Variants in RBFOX3 observed in about 807,000 individuals in gnomAD.
The protein encoded by RBFOX3 is RNA binding fox-1 homolog 3, also known as RNA binding protein fox-1 homolog 3.
In RBFOX3, 17 loss-of-function variants were observed where a neutral mutation model predicts 48.7. That is an observed-to-expected ratio of 0.35 (90% CI 0.24 to 0.52). The LOEUF is 0.52. Ranked by LOEUF, RBFOX3 falls within the 20% of genes least tolerant of loss-of-function variation. The pLI is 0.94. For missense variants in RBFOX3, 382 were observed against 497.5 expected, an observed-to-expected ratio of 0.77 and a Z score of 2.21; for synonymous variants, 212 against 209.5, an observed-to-expected ratio of 1.01 and a Z score of -0.10.
intron 1 of RBFOX3, among the ~76,000 whole-genome samples, chr17:79,541,702 C>T (rs900412200): frequency 2.6e-5 from 4 of 152,236 alleles, no homozygotes; most frequent in Non-Finnish European, 5.9e-5. Flanking sequence ...CAGGCCCACC[C>T]CGGCTCCTGG....
intron 2 of RBFOX3, among the ~76,000 whole-genome samples, chr17:79,355,630 G>T (rs1030161441): frequency 6.6e-6 from 1 of 152,048 alleles, no homozygotes; most frequent in Non-Finnish European, 1.5e-5. Flanking sequence ...GCCCAGGCTG[G>T]AGTACAGTGG....
chr17:79,582,833 G>C (rs2093121432), intron 1 of RBFOX3, among the ~76,000 whole-genome samples: 1 of 145,712 alleles, frequency 6.9e-6, no homozygotes, highest in Non-Finnish European at 1.5e-5. Flanking sequence ...GGAAGGACCT[G>C]AGTGGCTAGC....
intron 2 of RBFOX3, among the ~76,000 whole-genome samples, chr17:79,438,102 G>GCA (rs1383021963): frequency 5.5e-4 from 11 of 20,084 alleles, no homozygotes; most frequent in Admixed American, 1.6e-3. Context: ...AGGTGCACAG[G>GCA]CGCACACACA....
chr17:79,465,334 A>T (rs1464244091), intron 2 of RBFOX3, among the ~76,000 whole-genome samples: 1 of 152,098 alleles, frequency 6.6e-6, no homozygotes, highest in East Asian at 1.9e-4. Flanking sequence ...TCCCGAAAAC[A>T]TCTTTATTAT....
rs1385915086 is a variant in RBFOX3, at chr17:79,521,499, GATAT to G, written c.-319-38905_-319-38902del. ...TCAGACACATTCACACACACACGCAGATATATACTCACAGACACATACGGATACA... is the reference window on the plus strand; with the variant it reads ...TCAGACACATTCACACACACACGCAGATACTCACAGACACATACGGATACA... On this transcript the variant is annotated intron_variant, in intron 1 of 14. Transcript: ENST00000693108. Among the ~76,000 whole-genome samples the G allele has an allele frequency of 2.9e-3, 443 of 151,308 alleles. 3 individuals are homozygous for G. The highest frequency in any genetic ancestry group is 9.9e-3 in the African/African-American group (409 of 41,168).
At chr17:79,332,701 G>GAACAGAGACACACAC (rs760018355) in intron 2 of RBFOX3, among the ~76,000 whole-genome samples, 3 of 147,852 alleles carry the variant, frequency 2.0e-5, no homozygotes, top group African/African-American at 4.9e-5. Context: ...GAGACAGAGA[G>GAACAGAGACACACAC]AGAGAGACAG....
chr17:79,321,787 C>T (rs927490833), intron 2 of RBFOX3, among the ~76,000 whole-genome samples: 2 of 149,570 alleles, frequency 1.3e-5, no homozygotes, highest in Non-Finnish European at 3.0e-5. Context: ...CTCACTGCAA[C>T]CTCTGCCTCC....
intron 2 of RBFOX3, among the ~76,000 whole-genome samples, chr17:79,455,100 C>G (rs534685145): frequency 6.6e-6 from 1 of 151,938 alleles, no homozygotes; most frequent in South Asian, 2.1e-4. Flanking sequence ...GCGTCCCCCT[C>G]CACGGGGTGT....
intron 4 of RBFOX3, among the ~76,000 whole-genome samples, chr17:79,222,168 C>T (rs2059817183): frequency 2.0e-5 from 3 of 151,730 alleles, no homozygotes; most frequent in African/African-American, 7.3e-5. Context: ...TTTCTACCTG[C>T]AGCCTGATTT....
rs1447078410 is a variant in RBFOX3 at position 79,364,586 on chromosome 17, A to G, written c.-174-56762T>C. Among the ~76,000 whole-genome samples, 3 of 152,194 alleles carry G rather than the reference A, an allele frequency of 2.0e-5. No homozygotes were observed. The highest frequency in any genetic ancestry group is 4.1e-4 in the South Asian group (2 of 4,828). On this transcript the variant is annotated intron_variant, in intron 2 of 14. Coordinates refer to ENST00000693108, the MANE Select transcript of RBFOX3 (RefSeq NM_001350451.2). The surrounding 1 kb of genome is among the most constrained non-coding windows in gnomAD (Gnocchi z 5.1). ...CTGGGGATGAAAAGATGCGTAAGAC[A>G]AAGGGGCCAGGGGTTGAAGGATGAG...
At chr17:79,478,772 G>A (rs1475069486) in intron 2 of RBFOX3, among the ~76,000 whole-genome samples, 1 of 152,232 alleles carries the variant, frequency 6.6e-6, no homozygotes, top group African/African-American at 2.4e-5. Flanking sequence ...CCAGGCCTCA[G>A]CCACTGCATG....
intron 1 of RBFOX3, among the ~76,000 whole-genome samples, chr17:79,604,340 C>T (rs2093778847): frequency 6.6e-6 from 1 of 152,070 alleles, no homozygotes; most frequent in Non-Finnish European, 1.5e-5. Context: ...TTTTTTTGCT[C>T]GGATCTCAAG....
At chr17:79,605,570 C>T (rs1358223806) in intron 1 of RBFOX3, among the ~76,000 whole-genome samples, 2 of 152,278 alleles carry the variant, frequency 1.3e-5, no homozygotes, top group African/African-American at 2.4e-5. Flanking sequence ...AGGTACAGAG[C>T]GGTTGCTCCG....
At chr17:79,409,584 C>T (rs2064001577) in intron 2 of RBFOX3, among the ~76,000 whole-genome samples, 1 of 152,210 alleles carries the variant, frequency 6.6e-6, no homozygotes, top group African/African-American at 2.4e-5. Context: ...CTTCTGAAGT[C>T]CATAAGGCAT....
chr17:79,216,262 C>T (rs1346152376), intron 4 of RBFOX3, among the ~76,000 whole-genome samples: 1 of 152,240 alleles, frequency 6.6e-6, no homozygotes, highest in Non-Finnish European at 1.5e-5. Flanking sequence ...TGTGAGGAGG[C>T]TCTGAGAGCC....
chr17:79,627,605 T>A, the RBFOX3 span, among the ~76,000 whole-genome samples: 1 of 152,138 alleles, frequency 6.6e-6, no homozygotes, highest in Non-Finnish European at 1.5e-5. Context: ...TCTCCAAGGA[T>A]CCGAGACCCA....
the RBFOX3 span, among the ~76,000 whole-genome samples, chr17:79,620,317 G>C: frequency 7.0e-6 from 1 of 141,852 alleles, no homozygotes; most frequent in African/African-American, 2.7e-5. Flanking sequence ...GCACAAATAT[G>C]TACATACACG....
intron 1 of RBFOX3, among the ~76,000 whole-genome samples, chr17:79,544,626 C>T (rs2090149221): frequency 6.6e-6 from 1 of 151,988 alleles, no homozygotes; most frequent in Admixed American, 6.6e-5. Flanking sequence ...TGCCCCACCA[C>T]ACCTGCCCCA....
At chr17:79,116,140 C>T (rs1050472632) in intron 4 of RBFOX3, among the ~76,000 whole-genome samples, 14 of 152,212 alleles carry the variant, frequency 9.2e-5, no homozygotes, top group South Asian at 2.1e-4. Flanking sequence ...AGGGTCCTCA[C>T]GGTAACATCC....
Sources: allele counts gnomAD v4.1 joint callset (sites outside exome capture counted in the v4.1 genomes callset), GRCh38; gene constraint gnomAD v4.1.1; non-coding constraint Gnocchi (gnomAD v3.1); transcripts MANE v1.5; gene names NCBI Gene and HGNC (gene_info 2026-07-23, HGNC 2026-07-21).